The following LCE1F variants were observed in gnomAD, a reference collection of about 807,000 sequenced individuals.
LCE1F encodes late cornified envelope protein 1F.
For missense variants in LCE1F, 154 were observed against 153.5 expected (o/e 1.00, Z -0.02); for synonymous variants, 67 against 59.9 (o/e 1.12, Z -0.55).
In LCE1F at chr1:152,776,428, G is replaced by T; in HGVS notation, c.57G>T (p.Lys19Asn). 1 of 1,613,200 alleles carries T rather than the reference G, an allele frequency of 6.2e-7. No individual in the cohort carries two copies. The highest frequency in any genetic ancestry group is 2.2e-5 in the East Asian group (1 of 44,814). The change falls in exon 2 of 2, where the codon AAG becomes AAT. Residue 19 changes from lysine to asparagine, a missense_variant. Transcript: ENST00000334371. ...AGCCCCCTCCCAAGTGCACTCCCAA[G>T]TGCCCTCCCAAGTGCCCCACACCGA... ...QCQPPPKCTP[K>N]CPPKCPTPKC...
rs762146495 is a variant in LCE1F, at chr1:152,776,943, T to C, written c.*215T>C. On this transcript the variant is annotated 3_prime_UTR_variant, in exon 2 of 2. Transcript: ENST00000334371. ...GTGCGCCTGGCCTGGGAATACCAAA[T>C]AGAAGTCCTTGCCTCATTCCCCTGA... Among the ~76,000 whole-genome samples, 10 of 152,208 alleles carry C rather than the reference T, an allele frequency of 6.6e-5. No homozygotes were observed. Among genetic ancestry groups the C allele is most frequent in the Non-Finnish European group, 1.5e-4 (10 of 68,030 alleles).
chr1:152,776,586 G>A lies in LCE1F; in HGVS notation c.215G>A (p.Gly72Glu). The A allele has an allele frequency of 3.1e-6, 5 of 1,613,380 alleles. No homozygotes were observed. The highest frequency in any genetic ancestry group is 4.2e-6 in the Non-Finnish European group (5 of 1,179,778). The change falls in exon 2 of 2, where the codon GGA becomes GAA. Residue 72 changes from glycine (G) to glutamate (E), a missense_variant. By Grantham distance (98) the Gly-to-Glu change is moderately conservative. Transcript: ENST00000334371. Reference sequence around the variant, plus strand: ...GGTGGTGGCTGCTGCAGCTCTGGGGGAGGCGGCTGTTGCCTGAGCCACCAC... The same window carrying A: ...GGTGGTGGCTGCTGCAGCTCTGGGGAAGGCGGCTGTTGCCTGAGCCACCAC... ...SGGGGCCSSG[G>E]GGCCLSHHRR...
In LCE1F at chr1:152,776,763, G is replaced by A; in HGVS notation, c.*35G>A. On this transcript the variant is annotated 3_prime_UTR_variant, in exon 2 of 2. Coordinates refer to ENST00000334371, the MANE Select transcript of LCE1F (RefSeq NM_178354.3). ...TGTGCCTAAAAGAGCAGATTTAGAG[G>A]CATGAAAGGGGCAACTTCATCTTCC... 1 of 1,515,858 alleles carries A rather than the reference G, an allele frequency of 6.6e-7. No homozygotes were observed. Among genetic ancestry groups the A allele is most frequent in the Non-Finnish European group, 8.8e-7 (1 of 1,133,500 alleles). The allele number at this position is 1,515,858 out of a possible 1,614,324, so 93.9% of individuals were successfully genotyped here. A position where few individuals can be genotyped will look rare whatever the true frequency, so the allele number is the denominator to read the frequency against.
rs1651611113 is a variant in LCE1F at position 152,776,571 on chromosome 1, G to C, written c.200G>C (p.Cys67Ser). 1.9e-6 allele frequency: 3 copies of C among 1,613,926 alleles called. No homozygotes were observed. Among genetic ancestry groups the C allele is most frequent in the Non-Finnish European group, 2.5e-6 (3 of 1,179,848 alleles). The change falls in exon 2 of 2, where the codon TGC becomes TCC. Residue 67 changes from cysteine to serine, a missense_variant. Coordinates refer to ENST00000334371, the MANE Select transcript of LCE1F (RefSeq NM_178354.3). ...GGCCSSGGGG[C>S]CSSGGGGCCL... The stretch of plus-strand genomic sequence containing the variant: ...TGCTGCAGCTCTGGGGGTGGTGGCT[G>C]CTGCAGCTCTGGGGGAGGCGGCTGT...
chr1:152,776,356 A>G lies in LCE1F; in HGVS notation c.-16A>G. On this transcript the variant is annotated 5_prime_UTR_variant, in exon 2 of 2. Transcript: ENST00000334371. ...CTGTCTGACCCTCCTTCAGCTCCTGAACACCCGCCACCGAGATGTCTTGCC... is the reference window on the plus strand; with the variant it reads ...CTGTCTGACCCTCCTTCAGCTCCTGGACACCCGCCACCGAGATGTCTTGCC... The G allele has an allele frequency of 6.2e-7, 1 of 1,609,584 alleles. No individual in the cohort carries two copies. The highest frequency in any genetic ancestry group is 8.5e-7 in the Non-Finnish European group (1 of 1,178,058).
In LCE1F at chr1:152,776,435, C is replaced by T; in HGVS notation, c.64C>T (p.Pro22Ser). 6.2e-7 allele frequency: 1 copy of T among 1,613,938 alleles called. No individual in the cohort carries two copies. The highest frequency in any genetic ancestry group is 8.5e-7 in the Non-Finnish European group (1 of 1,180,004). ...TCCCAAGTGCACTCCCAAGTGCCCT[C>T]CCAAGTGCCCCACACCGAAGTGCCC... is the stretch of plus-strand genomic sequence containing the variant. ...PPPKCTPKCP[P>S]KCPTPKCPPK... The change falls in exon 2 of 2, where the codon CCC becomes TCC. Residue 22 changes from proline (P) to serine (S), a missense_variant. Physicochemically the swap from Pro to Ser is moderately conservative, Grantham distance 74. Coordinates refer to ENST00000334371, the MANE Select transcript of LCE1F (RefSeq NM_178354.3).
chr1:152,776,706 A>G lies in LCE1F; in HGVS notation c.335A>G (p.Gln112Arg). ...AGCTGCTGCGGAGGGGGCAGTGGCC[A>G]GCACTCTGGAGGCTGCTGCTGAAGT... Reference protein sequence around the residue: ...GSSCCGGGSGQHSGGCC With the variant: ...GSSCCGGGSGRHSGGCC The change falls in exon 2 of 2, where the codon CAG becomes CGG. Residue 112 changes from glutamine (Q) to arginine (R), a missense_variant. Physicochemically the swap from Gln to Arg is conservative, Grantham distance 43. Transcript: ENST00000334371. The G allele has an allele frequency of 1.3e-6, 2 of 1,567,474 alleles. No individual in the cohort carries two copies. The highest frequency in any genetic ancestry group is 1.7e-6 in the Non-Finnish European group (2 of 1,157,986).
chr1:152,776,731 T>C lies in LCE1F; in HGVS notation c.*3T>C. 1 of 1,540,396 alleles carries C rather than the reference T, an allele frequency of 6.5e-7. No individual in the cohort carries two copies. The highest frequency in any genetic ancestry group is 1.3e-5 in the South Asian group (1 of 77,964). ...AGCACTCTGGAGGCTGCTGCTGAAG[T>C]GGACCCTGTGCCTAAAAGAGCAGAT... is the stretch of plus-strand genomic sequence containing the variant. On this transcript the variant is annotated 3_prime_UTR_variant, in exon 2 of 2. Coordinates refer to ENST00000334371, the MANE Select transcript of LCE1F (RefSeq NM_178354.3).
At chr1:152,776,246 T>C (rs1481069298) in intron 1 of LCE1F, 104 bp from the exon 2 acceptor site, 1 of 1,010,144 alleles carries the variant, frequency 9.9e-7, no homozygotes, top group African/African-American at 1.6e-5. Flanking sequence ...CTATGTTTGA[T>C]ATAAGGCTTT....
At chr1:152,775,236 G>A (rs1651539878) in intron 1 of LCE1F, among the ~76,000 whole-genome samples, 46 bp downstream of exon 1, 1 of 152,214 alleles carries the variant, frequency 6.6e-6, no homozygotes, top group Admixed American at 6.5e-5. Context: ...ACAGAGGGAT[G>A]CCCAGGCCAG....
chr1:152,776,464 A>T lies in LCE1F; in HGVS notation c.93A>T (p.Pro31=), dbSNP rs137888629. The change falls in exon 2 of 2, where the codon CCA becomes CCT. Residue 31 remains proline (P), a synonymous_variant. Transcript: ENST00000334371. ...PPKCPTPKCP[P]KCPPKCPPVS... ...AGTGCCCCACACCGAAGTGCCCCCC[A>T]AAGTGTCCCCCTAAGTGCCCTCCTG... The T allele has an allele frequency of 6.0e-5, 95 of 1,593,068 alleles. No homozygotes were observed. In the African/African-American group the frequency reaches 1.3e-3, roughly 21 times the overall value.
Position 152,776,579 on chromosome 1 carries a change from T to A in LCE1F, c.208T>A (p.Ser70Thr). ...CTCTGGGGGTGGTGGCTGCTGCAGC[T>A]CTGGGGGAGGCGGCTGTTGCCTGAG... ...CSSGGGGCCS[S>T]GGGGCCLSHH... The change falls in exon 2 of 2, where the codon TCT becomes ACT. Residue 70 changes from serine to threonine, a missense_variant. By Grantham distance (58) the Ser-to-Thr change is moderately conservative. Coordinates refer to ENST00000334371, the MANE Select transcript of LCE1F (RefSeq NM_178354.3). 6.2e-7 allele frequency: 1 copy of A among 1,613,650 alleles called. No individual in the cohort carries two copies. Among genetic ancestry groups the A allele is most frequent in the Non-Finnish European group, 8.5e-7 (1 of 1,179,802 alleles).
intron 1 of LCE1F, among the ~76,000 whole-genome samples, chr1:152,775,884 C>T (rs948937004): frequency 2.6e-5 from 4 of 151,558 alleles, no homozygotes; most frequent in Non-Finnish European, 5.9e-5. Context: ...TTGACTCCAA[C>T]ATCCTTTGCG....
chr1:152,775,910 A>G (rs896895559), intron 1 of LCE1F, among the ~76,000 whole-genome samples: 44 of 152,218 alleles, frequency 2.9e-4, no homozygotes, highest in African/African-American at 1.0e-3. Flanking sequence ...AGTTTTCTCT[A>G]TTTCTGCAAA....
In LCE1F at chr1:152,776,443, C is replaced by T. The variant is rs770506034; in HGVS notation, c.72C>T (p.Cys24=). The stretch of plus-strand genomic sequence containing the variant: ...GCACTCCCAAGTGCCCTCCCAAGTG[C>T]CCCACACCGAAGTGCCCCCCAAAGT... ...PKCTPKCPPK[C]PTPKCPPKCP... Residue 24 remains cysteine, a synonymous_variant, in exon 2 of 2, where the codon TGC becomes TGT. Transcript: ENST00000334371. 1 of 1,596,678 alleles carries T rather than the reference C, an allele frequency of 6.3e-7. No homozygotes were observed. Among genetic ancestry groups the T allele is most frequent in the Non-Finnish European group, 8.5e-7 (1 of 1,175,174 alleles).
Position 152,776,868 on chromosome 1 carries a change from A to T in LCE1F, c.*140A>T. The T allele has an allele frequency of 9.4e-7, 1 of 1,058,524 alleles. No individual in the cohort carries two copies. 65.6% of individuals were successfully genotyped at this position (1,058,524 alleles called of 1,614,324 possible). A position where few individuals can be genotyped will look rare whatever the true frequency, so the allele number is the denominator to read the frequency against. On this transcript the variant is annotated 3_prime_UTR_variant, in exon 2 of 2. Coordinates refer to ENST00000334371, the MANE Select transcript of LCE1F (RefSeq NM_178354.3). ...GGAAGATTCCTCCGACCTAGAATCC[A>T]GAAATCTGCCCTCTCACAAGAATTC...
In LCE1F at chr1:152,775,200, C is replaced by T. The variant is rs934897952; in HGVS notation, c.-23+10C>T. Among the ~76,000 whole-genome samples, 1 of 152,170 alleles carries T rather than the reference C, an allele frequency of 6.6e-6. No individual in the cohort carries two copies. The highest frequency in any genetic ancestry group is 2.4e-5 in the African/African-American group (1 of 41,416). ...GCTGCCTGTGATCCTGGTAAGTGTG[C>T]CCTGGAAAAAGGAGCAGGGGCTTCC... On this transcript the variant is annotated intron_variant, in intron 1 of 1. Coordinates refer to ENST00000334371, the MANE Select transcript of LCE1F (RefSeq NM_178354.3).
Position 152,776,388 on chromosome 1 carries a change from G to A in LCE1F, c.17G>A (p.Ser6Asn), listed in dbSNP as rs2101572787. 5 of 1,613,788 alleles carry A rather than the reference G, an allele frequency of 3.1e-6. No homozygotes were observed. Among genetic ancestry groups the A allele is most frequent in the Non-Finnish European group, 4.2e-6 (5 of 1,179,976 alleles). ...GCCACCGAGATGTCTTGCCAGCAGA[G>A]CCAGCAGCAGTGCCAGCCCCCTCCC... Reference protein sequence around the residue: MSCQQSQQQCQPPPKC... With the variant: MSCQQNQQQCQPPPKC... Residue 6 changes from serine (S) to asparagine (N), a missense_variant, in exon 2 of 2, where the codon AGC becomes AAC. Transcript: ENST00000334371.
Position 152,776,602 on chromosome 1 carries a change from G to C in LCE1F, c.231G>C (p.Leu77=). 3 of 1,604,280 alleles carry C rather than the reference G, an allele frequency of 1.9e-6. No individual in the cohort carries two copies. Among genetic ancestry groups the C allele is most frequent in the Non-Finnish European group, 2.6e-6 (3 of 1,175,176 alleles). Residue 77 remains leucine (L), a synonymous_variant, in exon 2 of 2, where the codon CTG becomes CTC. Coordinates refer to ENST00000334371, the MANE Select transcript of LCE1F (RefSeq NM_178354.3). ...GCTCTGGGGGAGGCGGCTGTTGCCT[G>C]AGCCACCACAGACGGCGTAGGTCCC... ...CCSSGGGGCC[L]SHHRRRRSHR...
Sources: gnomAD v4.1 joint callset for allele counts (sites outside exome capture counted in the v4.1 genomes callset) on GRCh38, gnomAD v4.1.1 for gene constraint, MANE v1.5 for transcripts, NCBI Gene and HGNC (gene_info 2026-07-23, HGNC 2026-07-21) for gene names.